The following CFAP46 variants were observed in gnomAD, a reference collection of about 807,000 sequenced individuals.
CFAP46 encodes cilia- and flagella-associated protein 46.
A neutral mutation model predicts 325.7 loss-of-function variants in CFAP46; 245 were observed. That is an observed-to-expected ratio of 0.75 (90% CI 0.68 to 0.84). CFAP46 has a LOEUF of 0.84. Ranked by LOEUF, CFAP46 falls within the 40% of genes least tolerant of loss-of-function variation. CFAP46 has a pLI of 0.00. For synonymous variants in CFAP46, 1,523 were observed against 1,495.9 expected (o/e 1.02, Z -0.42); for missense variants, 3,346 against 3,543.0 (o/e 0.94, Z 1.41).
rs1010591439 is a variant in CFAP46, at chr10:132,901,028, C to T, written c.2925-1362G>A. 1.6e-4 allele frequency among the ~76,000 whole-genome samples: 25 copies of T among 152,208 alleles called. 1 individual carries two copies. Among genetic ancestry groups the T allele is most frequent in the East Asian group, 3.8e-4 (2 of 5,198 alleles). ...GGATCGCGTGCCTGGGCCGTTTAAC[C>T]GGACACCAGCTTTCTTGTGGTTGGC... On this transcript the variant is annotated intron_variant, in intron 22 of 57. Coordinates refer to ENST00000368586, the MANE Select transcript of CFAP46 (RefSeq NM_001200049.3).
rs146875057 is a variant in CFAP46 at position 132,836,876 on chromosome 10, G to A, written c.6477C>T (p.Asn2159=). The A allele has an allele frequency of 2.5e-6, 4 of 1,613,960 alleles. No homozygotes were observed. Among genetic ancestry groups the A allele is most frequent in the Non-Finnish European group, 2.5e-6 (3 of 1,180,010 alleles). ...AGGTCGGAGGCATCTCATTCAAGAG[G>A]TTAAAATGCTGCTCAGTGACGCAGA... is the stretch of plus-strand genomic sequence containing the variant. ...QNLCVTEQHF[N]LLNEMPPTFW... is the part of the protein sequence containing the mutation. The change falls in exon 45 of 58, where the codon AAC becomes AAT. Residue 2159 remains asparagine (N), a synonymous_variant. Coordinates refer to ENST00000368586, the MANE Select transcript of CFAP46 (RefSeq NM_001200049.3).
In CFAP46 at chr10:132,912,540, CCT is replaced by C. The variant is rs372445837; in HGVS notation, c.2499+113_2499+114del. On this transcript the variant is annotated intron_variant, in intron 19 of 57. Coordinates refer to ENST00000368586, the MANE Select transcript of CFAP46 (RefSeq NM_001200049.3). ...CTCTCTCTCTTCACCTCTCTCCTCT[CCT>C]CTCTCTCTCTCTTCACCTCTCTCCT... 5.5e-3 allele frequency: 4,051 copies of C among 732,458 alleles called. 4 individuals are homozygous for C. The highest frequency in any genetic ancestry group is 8.4e-3 in the South Asian group (374 of 44,772). The allele number at this position is 732,458 out of a possible 1,614,324, so 45.4% of individuals were successfully genotyped here. A position where few individuals can be genotyped will look rare whatever the true frequency, so the allele number is the denominator to read the frequency against.
intron 57 of CFAP46, among the ~76,000 whole-genome samples, chr10:132,809,477 G>A (rs1417649749): frequency 5.3e-5 from 8 of 151,856 alleles, no homozygotes; most frequent in African/African-American, 9.7e-5. Flanking sequence ...CCTGCCCCTC[G>A]CTCCCTCTCT....
chr10:132,918,660 G>A, intron 15 of CFAP46, 140 bp from the exon 16 acceptor site: 1 of 1,148,216 alleles, frequency 8.7e-7, no homozygotes. Flanking sequence ...GGGTAGGCGG[G>A]AGGTGGGCAG....
chr10:132,839,819 A>T (rs1434643249), intron 44 of CFAP46, among the ~76,000 whole-genome samples: 1 of 152,176 alleles, frequency 6.6e-6, no homozygotes, highest in African/African-American at 2.4e-5. Context: ...TGATTTTTGA[A>T]TATTGAACCA....
rs991917935 is a variant in CFAP46, at chr10:132,886,952, G to C, written c.3305-993C>G. Among the ~76,000 whole-genome samples, 16 of 152,018 alleles carry C rather than the reference G, an allele frequency of 1.1e-4. No individual in the cohort carries two copies. The highest frequency in any genetic ancestry group is 2.1e-4 in the South Asian group (1 of 4,824). ...TGACGGTAATTCCCACACCCTCCCAGCTCTTTCAGAGGTCAGTGAAGGATC... is the reference window on the plus strand; with the variant it reads ...TGACGGTAATTCCCACACCCTCCCACCTCTTTCAGAGGTCAGTGAAGGATC... On this transcript the variant is annotated intron_variant, in intron 25 of 57. Transcript: ENST00000368586. The surrounding 1 kb of genome is among the most constrained non-coding windows in gnomAD (Gnocchi z 5.8).
In CFAP46 at chr10:132,939,399, C is replaced by T. The variant is rs1850063609; in HGVS notation, c.372-646G>A. Among the ~76,000 whole-genome samples, 1 of 152,178 alleles carries T rather than the reference C, an allele frequency of 6.6e-6. No individual in the cohort carries two copies. Among genetic ancestry groups the T allele is most frequent in the Non-Finnish European group, 1.5e-5 (1 of 68,022 alleles). On this transcript the variant is annotated intron_variant, in intron 4 of 57. Transcript: ENST00000368586. The surrounding 1 kb of genome is among the most constrained non-coding windows in gnomAD (Gnocchi z 4.6). ...TCTCCCTGGGCAGCAGGGAGCATTG[C>T]AGGGACTGAAGTAAGGGAATCCGGG...
At chr10:132,833,272 A>C in intron 50 of CFAP46, 86 bp downstream of exon 50, 18 of 1,256,806 alleles carry the variant, frequency 1.4e-5, no homozygotes, top group Non-Finnish European at 1.9e-5. Context: ...ATTTCTTGAT[A>C]GGAGCTAACA....
intron 24 of CFAP46, among the ~76,000 whole-genome samples, chr10:132,894,076 TA>T (rs1197089488): frequency 6.6e-6 from 1 of 151,892 alleles, no homozygotes; most frequent in Non-Finnish European, 1.5e-5. Context: ...TCGCCGCTGG[TA>T]ACACGCTTTG....
In CFAP46 at chr10:132,886,751, G is replaced by A. The variant is rs1044181285; in HGVS notation, c.3305-792C>T. ...TTACCTCAAGGATTCCAAGAGCCCC[G>A]GGAGATCCAAAACATCAAACCAAGG... is the stretch of plus-strand genomic sequence containing the variant. On this transcript the variant is annotated intron_variant, in intron 25 of 57. Coordinates refer to ENST00000368586, the MANE Select transcript of CFAP46 (RefSeq NM_001200049.3). This position sits in a 1 kb window ranked among gnomAD's most constrained non-coding sequence, Gnocchi z 5.8. Among the ~76,000 whole-genome samples, 3 of 152,258 alleles carry A rather than the reference G, an allele frequency of 2.0e-5. No homozygotes were observed. The highest frequency in any genetic ancestry group is 2.1e-4 in the South Asian group (1 of 4,820).
At chr10:132,927,754 G>A (rs936517732) in intron 9 of CFAP46, among the ~76,000 whole-genome samples, 54 of 152,258 alleles carry the variant, frequency 3.5e-4, no homozygotes, top group Non-Finnish European at 8.8e-5. Context: ...ATGTATTACA[G>A]TGGATAGTCT....
Position 132,836,926 on chromosome 10 carries a change from A to C in CFAP46, c.6439-12T>G, listed in dbSNP as rs1370838201. The C allele has an allele frequency of 1.2e-6, 2 of 1,606,300 alleles. No homozygotes were observed. Among genetic ancestry groups the C allele is most frequent in the Non-Finnish European group, 1.7e-6 (2 of 1,173,200 alleles). On this transcript the variant is annotated splice_polypyrimidine_tract_variant and intron_variant, in intron 44 of 57. Transcript: ENST00000368586. ...AGATTTTGCCAAGCCTGTGTGGCGA[A>C]AAACGGCCATCAGGGGATGCATTTA... is the stretch of plus-strand genomic sequence containing the variant.
Position 132,859,192 on chromosome 10 carries a change from C to T in CFAP46, c.5254G>A (p.Glu1752Lys), listed in dbSNP as rs1280853385. The T allele has an allele frequency of 6.4e-7, 1 of 1,550,394 alleles. No individual in the cohort carries two copies. The highest frequency in any genetic ancestry group is 2.4e-5 in the East Asian group (1 of 40,912). The change falls in exon 38 of 58, where the codon GAG becomes AAG. Residue 1752 changes from glutamate (E) to lysine (K), a missense_variant. Transcript: ENST00000368586. ...AQHSAVTEPT[E>K]CSLLLKEMDD... ...ATCTCTTTCAGTAGCAACGAGCACT[C>T]TGTGGGTTCAGTGACCGCTGAGTGC... is the stretch of plus-strand genomic sequence containing the variant.
intron 44 of CFAP46, among the ~76,000 whole-genome samples, chr10:132,840,542 TTTC>T (rs558629295): frequency 1.2e-3 from 190 of 152,370 alleles, no homozygotes; most frequent in Admixed American, 3.5e-3. Flanking sequence ...GTTTTCTGGC[TTTC>T]TTCTTGTATG....
intron 53 of CFAP46, 42 bp downstream of exon 53, chr10:132,814,535 G>A (rs753613421): frequency 6.5e-7 from 1 of 1,548,878 alleles, no homozygotes; most frequent in East Asian, 2.4e-5. Flanking sequence ...GGAGGCCCGA[G>A]GCTGGCGTGT....
chr10:132,873,577 C>T (rs993119886), intron 31 of CFAP46, among the ~76,000 whole-genome samples: 1 of 151,952 alleles, frequency 6.6e-6, no homozygotes, highest in Non-Finnish European at 1.5e-5. Context: ...GCTTAGAAAA[C>T]GGGGTTCAGG....
chr10:132,914,860 C>T (rs1849612026), intron 17 of CFAP46, among the ~76,000 whole-genome samples: 1 of 152,244 alleles, frequency 6.6e-6, no homozygotes, highest in African/African-American at 2.4e-5. Flanking sequence ...TCCCTTGAGC[C>T]TCCTGGCTTC....
At chr10:132,890,183 A>G (rs1257519519) in intron 25 of CFAP46, among the ~76,000 whole-genome samples, 1 of 151,786 alleles carries the variant, frequency 6.6e-6, no homozygotes, top group Non-Finnish European at 1.5e-5. Flanking sequence ...CCCGGGTCAC[A>G]TTCTGAAGGG....
intron 35 of CFAP46, among the ~76,000 whole-genome samples, chr10:132,864,232 T>TGACACCTGCCCCCC: frequency 9.3e-6 from 1 of 107,934 alleles, no homozygotes; most frequent in African/African-American, 3.7e-5. Context: ...CCTGTCCCCC[T>TGACACCTGCCCCCC]GACACCTGCA....
Sources: allele counts gnomAD v4.1 joint callset (sites outside exome capture counted in the v4.1 genomes callset), GRCh38; gene constraint gnomAD v4.1.1; non-coding constraint Gnocchi (gnomAD v3.1); transcripts MANE v1.5; gene names NCBI Gene and HGNC (gene_info 2026-07-23, HGNC 2026-07-21).